IGFL4: variants seen among roughly 807,000 people sequenced by gnomAD.
IGFL4 encodes the protein IGF like family member 4.
IGFL4 carries 12 observed loss-of-function variants against 15.4 expected under a neutral mutation model. The observed-to-expected ratio is 0.78, with a 90% CI of 0.50 to 1.26. The LOEUF (loss-of-function observed/expected upper bound fraction) is 1.26. Ranked by LOEUF, IGFL4 falls within the 50% of genes most tolerant of loss-of-function variation. The probability of loss-of-function intolerance (pLI) is 0.00; values close to 1 mark genes in which losing one functional copy is unlikely to be tolerated. For synonymous variants in IGFL4, 54 were observed against 55.9 expected, an observed-to-expected ratio of 0.97 and a Z score of 0.16; for missense variants, 126 against 147.8, an observed-to-expected ratio of 0.85 and a Z score of 0.76.
intron 2 of IGFL4, among the ~76,000 whole-genome samples, chr19:46,053,212 CTGTTT>C (rs963070150): frequency 2.6e-5 from 4 of 151,988 alleles, no homozygotes; most frequent in South Asian, 2.1e-4. Flanking sequence ...TTTAAATGAT[CTGTTT>C]TGTTTTGTTT....
intron 1 of IGFL4, among the ~76,000 whole-genome samples, chr19:46,073,466 T>C (rs552154316): frequency 6.6e-6 from 1 of 152,268 alleles, no homozygotes; most frequent in African/African-American, 2.4e-5. Context: ...CTTGGGGCCC[T>C]AGCAGAATAA....
chr19:46,043,174 G>T (rs1280356307), upstream of IGFL4, among the ~76,000 whole-genome samples: 1 of 152,080 alleles, frequency 6.6e-6, no homozygotes, highest in Non-Finnish European at 1.5e-5. Flanking sequence ...ATTTAGAGGG[G>T]AACAATGCCA....
chr19:46,052,231 A>G (rs555229704), intron 2 of IGFL4, among the ~76,000 whole-genome samples: 26 of 152,350 alleles, frequency 1.7e-4, no homozygotes, highest in African/African-American at 6.0e-4. Context: ...ACCATAAGAT[A>G]GGCCACAAAA....
At chr19:46,073,165 G>T (rs1303106427) in intron 1 of IGFL4, among the ~76,000 whole-genome samples, 1 of 152,132 alleles carries the variant, frequency 6.6e-6, no homozygotes, top group African/African-American at 2.4e-5. Flanking sequence ...AGACGAAGTT[G>T]GGTGAAAGAT....
chr19:46,062,155 T>C (rs1248864660), intron 1 of IGFL4, among the ~76,000 whole-genome samples: 2 of 152,158 alleles, frequency 1.3e-5, no homozygotes, highest in African/African-American at 4.8e-5. Context: ...TCTTAAAAAA[T>C]CCTTTAAAAT....
upstream of IGFL4, among the ~76,000 whole-genome samples, chr19:46,044,835 G>C (rs1969282934): frequency 6.6e-6 from 1 of 152,050 alleles, no homozygotes; most frequent in Admixed American, 6.6e-5. Flanking sequence ...AAAAACGGAG[G>C]CAACCAGGGT....
intron 1 of IGFL4, among the ~76,000 whole-genome samples, chr19:46,074,458 G>A (rs1443822151): frequency 6.6e-6 from 1 of 151,330 alleles, no homozygotes; most frequent in Non-Finnish European, 1.5e-5. Context: ...ACATATGGGA[G>A]TTTATTAAAT....
intron 2 of IGFL4, among the ~76,000 whole-genome samples, chr19:46,056,828 A>G (rs1025399782): frequency 2.6e-5 from 4 of 152,228 alleles, no homozygotes; most frequent in African/African-American, 7.2e-5. Flanking sequence ...TTCCTCCAGC[A>G]TATTCCTTGC....
intron 1 of IGFL4, among the ~76,000 whole-genome samples, chr19:46,075,036 T>C (rs1969582075): frequency 6.6e-6 from 1 of 151,840 alleles, no homozygotes; most frequent in African/African-American, 2.4e-5. Flanking sequence ...ACAGAAAGAA[T>C]TTGTGGCTAT....
At chr19:46,057,853 T>C (rs1478160395) in intron 2 of IGFL4, 1 of 152,102 alleles carries the variant, frequency 6.6e-6, no homozygotes, top group Non-Finnish European at 1.5e-5. Flanking sequence ...ATTTATTCAC[T>C]ACCATGAGAA....
chr19:46,045,304 A>G (rs1339910311), upstream of IGFL4, among the ~76,000 whole-genome samples: 2 of 152,198 alleles, frequency 1.3e-5, no homozygotes, highest in Middle Eastern at 3.4e-3. Flanking sequence ...TTAGCTGGGC[A>G]TGGTGGCACA....
At position 46,039,713 on chromosome 19, in the gene IGFL4, G is replaced by T. The variant is rs1486461605; in HGVS notation, c.*179C>A. On this transcript the variant is annotated 3_prime_UTR_variant, in exon 4 of 4. Transcript: ENST00000377697. The stretch of plus-strand genomic sequence containing the variant: ...CTGTTTGTCTGTTGTTGGTGTATAA[G>T]AATGCTTGTGATTTTTGTACATTGA... The T allele has an allele frequency of 3.6e-6, 2 of 554,314 alleles. No homozygotes were observed. The highest frequency in any genetic ancestry group is 1.9e-5 in the South Asian group (1 of 53,012). The allele number at this position is 554,314 out of a possible 1,614,324, so 34.3% of individuals were successfully genotyped here. A position where few individuals can be genotyped will look rare whatever the true frequency, so the allele number is the denominator to read the frequency against.
At chr19:46,042,962 C>T (rs374400130), upstream of IGFL4, among the ~76,000 whole-genome samples, 30 of 152,310 alleles carry the variant, frequency 2.0e-4, no homozygotes, top group African/African-American at 7.0e-4. Context: ...TCTGCCATGA[C>T]ATACATCAGC....
At chr19:46,062,991 G>A (rs1201635137) in intron 1 of IGFL4, 1 of 152,150 alleles carries the variant, frequency 6.6e-6, no homozygotes, top group Non-Finnish European at 1.5e-5. Context: ...TGCCAAACCT[G>A]TTCTTAGCAC....
At position 46,076,903 on chromosome 19, in the gene IGFL4, G is replaced by T. The variant is rs1600682611; in HGVS notation, c.-432+117C>A. 3 of 152,236 alleles carry T rather than the reference G, an allele frequency of 2.0e-5. No homozygotes were observed. In the South Asian group the frequency reaches 6.2e-4, roughly 32 times the overall value. 9.4% of individuals were successfully genotyped at this position (152,236 alleles called of 1,614,324 possible). The stretch of plus-strand genomic sequence containing the variant: ...CTTTTGGTGCTGGAAGCACAAAGAG[G>T]GTGTGAGATTCCTAACGTTATTGTG... On this transcript the variant is annotated intron_variant, in intron 1 of 5. Coordinates refer to the IGFL4 transcript ENST00000601672.
At position 46,040,352 on chromosome 19, in the gene IGFL4, C is replaced by T; in HGVS notation, c.135G>A (p.Glu45=). The T allele has an allele frequency of 1.2e-6, 2 of 1,614,204 alleles. No homozygotes were observed. The highest frequency in any genetic ancestry group is 8.5e-7 in the Non-Finnish European group (1 of 1,180,028). The part of the protein sequence containing the change: ...RCGEWTYNPL[E]QCCDDGVILD... ...GGATGACACCGTCATCACAGCACTGCTCCAAGGGGTTGTAGGTCCACTCCC... is the reference window on the plus strand; with the variant it reads ...GGATGACACCGTCATCACAGCACTGTTCCAAGGGGTTGTAGGTCCACTCCC... The change falls in exon 3 of 4, where the codon GAG becomes GAA. Residue 45 remains glutamate (E), a synonymous_variant. Transcript: ENST00000377697. This position sits in a 1 kb window ranked among gnomAD's most constrained non-coding sequence, Gnocchi z 4.1.
chr19:46,052,194 C>T (rs1969351214), intron 2 of IGFL4, among the ~76,000 whole-genome samples: 1 of 152,124 alleles, frequency 6.6e-6, no homozygotes, highest in Non-Finnish European at 1.5e-5. Flanking sequence ...TTCTATTCAG[C>T]ACAGGGAACG....
intron 2 of IGFL4, among the ~76,000 whole-genome samples, chr19:46,056,170 T>C (rs752919191): frequency 3.4e-4 from 52 of 152,324 alleles, no homozygotes; most frequent in Middle Eastern, 6.8e-3. Flanking sequence ...GCAGAAGTAA[T>C]AGGGAATATT....
chr19:46,045,628 A>T (rs1052409167), upstream of IGFL4, among the ~76,000 whole-genome samples: 1 of 152,082 alleles, frequency 6.6e-6, no homozygotes, highest in African/African-American at 2.4e-5. Context: ...CAATGCAATC[A>T]TAAGTATCAG....
Sources: allele counts gnomAD v4.1 joint callset (sites outside exome capture counted in the v4.1 genomes callset), GRCh38; gene constraint gnomAD v4.1.1; non-coding constraint Gnocchi (gnomAD v3.1); transcripts MANE v1.5; gene names NCBI Gene and HGNC (gene_info 2026-07-23, HGNC 2026-07-21).